The following ASB15 variants were observed in gnomAD, a reference collection of about 807,000 sequenced individuals.
ASB15 encodes the protein ankyrin repeat and SOCS box protein 15.
In ASB15, 54 loss-of-function variants were observed where a neutral mutation model predicts 58.0. The observed-to-expected ratio is 0.93, with a 90% CI of 0.75 to 1.17. The LOEUF is 1.17. Among genes scored for constraint, ASB15 ranks in the 50% most tolerant of loss-of-function variants. The probability of loss-of-function intolerance (pLI) is 0.00; values close to 1 mark genes in which losing one functional copy is unlikely to be tolerated. For synonymous variants in ASB15, 249 were observed against 262.4 expected, an observed-to-expected ratio of 0.95 and a Z score of 0.50; for missense variants, 680 against 707.4, an observed-to-expected ratio of 0.96 and a Z score of 0.44.
chr7:123,632,946 T>C (rs1182490261), intron 11 of ASB15, among the ~76,000 whole-genome samples: 1 of 152,152 alleles, frequency 6.6e-6, no homozygotes, highest in African/African-American at 2.4e-5. Flanking sequence ...CAAAAGACAA[T>C]GGAGTAACAT....
Position 123,629,401 on chromosome 7 carries a change from A to C in ASB15, c.1407A>C (p.Pro469=). The change falls in exon 10 of 12, where the codon CCA becomes CCC. Residue 469 remains proline (P), a synonymous_variant. Transcript: ENST00000451215. ...VWSEIQEEVL[P]GWTSCVIKDN... is the part of the protein sequence containing the mutation. ...CAGAGATACAGGAAGAGGTGCTGCCAGGATGGACATCTTGTGTAATAAAAG... is the reference window on the plus strand; with the variant it reads ...CAGAGATACAGGAAGAGGTGCTGCCCGGATGGACATCTTGTGTAATAAAAG... 1 of 1,612,458 alleles carries C rather than the reference A, an allele frequency of 6.2e-7. No individual in the cohort carries two copies. The highest frequency in any genetic ancestry group is 8.5e-7 in the Non-Finnish European group (1 of 1,179,702).
chr7:123,629,047 G>C lies in ASB15; in HGVS notation c.1053G>C (p.Lys351Asn), dbSNP rs267601262. Residue 351 changes from lysine to asparagine, a missense_variant, in exon 10 of 12, where the codon AAG (lysine) becomes AAC (asparagine). By Grantham distance (94) the Lys-to-Asn change is moderately conservative. Coordinates refer to ENST00000451215, the MANE Select transcript of ASB15 (RefSeq NM_001290258.2). ...CCCAGAGCTATGACGATGAGAGGAA[G>C]ACTGCGCTGTATTTTGGCGTTTCTA... Reference protein sequence around the residue: ...HISQSYDDERKTALYFGVSNN... With the variant: ...HISQSYDDERNTALYFGVSNN... 8 of 1,613,720 alleles carry C rather than the reference G, an allele frequency of 5.0e-6. No homozygotes were observed. In the African/African-American group the frequency reaches 9.3e-5, roughly 19 times the overall value.
upstream of ASB15, among the ~76,000 whole-genome samples, chr7:123,601,102 A>G (rs529889055): frequency 6.6e-6 from 1 of 152,290 alleles, no homozygotes; most frequent in African/African-American, 2.4e-5. Flanking sequence ...GTGAGTGCCG[A>G]TGGTGGCCTG....
intron 1 of ASB15, among the ~76,000 whole-genome samples, chr7:123,595,978 A>G (rs1799680215): frequency 6.6e-6 from 1 of 152,218 alleles, no homozygotes; most frequent in Admixed American, 6.5e-5. Flanking sequence ...GCTTTATTTG[A>G]ATGGTAATTA....
intron 3 of ASB15, chr7:123,614,142 T>C (rs559270362): frequency 7.2e-4 from 163 of 226,190 alleles, no homozygotes; most frequent in Non-Finnish European, 6.3e-4. Context: ...TAATATGTTA[T>C]GTACACACTC....
intron 1 of ASB15, among the ~76,000 whole-genome samples, chr7:123,582,216 C>A (rs1342317629): frequency 1.3e-5 from 2 of 151,910 alleles, no homozygotes; most frequent in East Asian, 3.9e-4. Context: ...CAGGTTCAAC[C>A]CACAGTATGT....
chr7:123,619,020 A>C (rs1369272376), intron 7 of ASB15, among the ~76,000 whole-genome samples: 1 of 151,718 alleles, frequency 6.6e-6, no homozygotes, highest in Admixed American at 6.6e-5. Flanking sequence ...CTAAAAATAC[A>C]AAAACAAAAA....
chr7:123,577,743 A>G (rs1370591420), intron 1 of ASB15, among the ~76,000 whole-genome samples: 1 of 152,118 alleles, frequency 6.6e-6, no homozygotes, highest in Non-Finnish European at 1.5e-5. Context: ...TTTTAAATCC[A>G]CTAACTGTTC....
intron 1 of ASB15, among the ~76,000 whole-genome samples, chr7:123,582,290 T>A (rs747583593): frequency 1.1e-4 from 16 of 151,686 alleles, no homozygotes; most frequent in Non-Finnish European, 2.1e-4. Flanking sequence ...GGGGGTTGCA[T>A]TACAATATCC....
chr7:123,581,420 A>G (rs937704199), intron 1 of ASB15, among the ~76,000 whole-genome samples: 11 of 151,576 alleles, frequency 7.3e-5, no homozygotes, highest in African/African-American at 2.4e-4. Context: ...CACTTAAAAA[A>G]AAAAAAAAAA....
chr7:123,629,214 A>G lies in ASB15; in HGVS notation c.1220A>G (p.Asn407Ser). ...CTTCTCTCCCATGGAGCTAATGTCA[A>G]TTGTTATTTTATGCATGTGAATGAC... is the stretch of plus-strand genomic sequence containing the variant. ...RLLLSHGANV[N>S]CYFMHVNDTR... is the part of the protein sequence containing the mutation. The change falls in exon 10 of 12, where the codon AAT becomes AGT. Residue 407 changes from asparagine (N) to serine (S), a missense_variant. Coordinates refer to ENST00000451215, the MANE Select transcript of ASB15 (RefSeq NM_001290258.2). 2.5e-6 allele frequency: 4 copies of G among 1,613,588 alleles called. No homozygotes were observed. Among genetic ancestry groups the G allele is most frequent in the Non-Finnish European group, 3.4e-6 (4 of 1,179,658 alleles).
At position 123,619,422 on chromosome 7, in the gene ASB15, C is replaced by G. The variant is rs75678921; in HGVS notation, c.451+1685C>G. On this transcript the variant is annotated intron_variant, in intron 7 of 11. Transcript: ENST00000451215. Reference sequence around the variant, plus strand: ...CAAAGAGCCTTGCTCTTGGAGATTGCCTTGAGGGTTGTATAGGGGAACGGC... The same window carrying G: ...CAAAGAGCCTTGCTCTTGGAGATTGGCTTGAGGGTTGTATAGGGGAACGGC... Among the ~76,000 whole-genome samples the G allele has an allele frequency of 9.5e-3, 1,450 of 152,148 alleles. 28 individuals are homozygous for G. The highest frequency in any genetic ancestry group is 0.033 in the African/African-American group (1,388 of 41,508).
chr7:123,576,166 AT>A (rs987518842), intron 1 of ASB15, among the ~76,000 whole-genome samples: 45 of 150,296 alleles, frequency 3.0e-4, no homozygotes, highest in African/African-American at 9.3e-4. Flanking sequence ...CATCTTCTAT[AT>A]TTTTTATGGT....
At chr7:123,573,798 C>T (rs1195573708) in intron 1 of ASB15, among the ~76,000 whole-genome samples, 1 of 152,018 alleles carries the variant, frequency 6.6e-6, no homozygotes, top group East Asian at 1.9e-4. Context: ...AGCTTTGTAG[C>T]TTCAATCATT....
At chr7:123,629,857 A>G in intron 10 of ASB15, 109 bp from the exon 11 acceptor site, 1 of 817,316 alleles carries the variant, frequency 1.2e-6, no homozygotes, top group Non-Finnish European at 1.9e-6. Context: ...ACAAGGAGAG[A>G]TCTTTTATTT....
intron 1 of ASB15, among the ~76,000 whole-genome samples, chr7:123,578,473 G>C (rs1232991320): frequency 6.6e-6 from 1 of 151,804 alleles, no homozygotes; most frequent in Non-Finnish European, 1.5e-5. Context: ...CTGGAACTTT[G>C]TTTCCTCTAT....
Position 123,573,245 on chromosome 7 carries a change from TC to T in ASB15, c.-443+6164del, listed in dbSNP as rs1006010880. Among the ~76,000 whole-genome samples the T allele has an allele frequency of 2.0e-3, 295 of 150,346 alleles. 5 individuals are homozygous for T. The Middle Eastern group carries it at 0.024, about 12-fold the overall frequency. ...AATTCACTTATTTTATCACCAAGCT[TC>T]CCCCCCGCCTCCCCATAACCTCTCC... On this transcript the variant is annotated intron_variant, in intron 1 of 13. Coordinates refer to the ASB15 transcript ENST00000451558.
At chr7:123,618,734 G>A (rs1032543366) in intron 7 of ASB15, among the ~76,000 whole-genome samples, 1 of 151,950 alleles carries the variant, frequency 6.6e-6, no homozygotes, top group Non-Finnish European at 1.5e-5. Context: ...CCTGTTCACA[G>A]AGGAATCACT....
At position 123,636,814 on chromosome 7, in the gene ASB15, C is replaced by T. The variant is rs1376885076; in HGVS notation, c.1600C>T (p.Pro534Ser). Reference sequence around the variant, plus strand: ...ATTTTCCCGATTTCTTTTAGAGAATCCTTGTTCATTGAAGCATTTGTGTCG... The same window carrying T: ...ATTTTCCCGATTTCTTTTAGAGAATTCTTGTTCATTGAAGCATTTGTGTCG... ...WPEIRQILEN[P>S]CSLKHLCRLK... The change falls in exon 12 of 12, where the codon CCT becomes TCT. Residue 534 changes from proline to serine, a missense_variant. Pro to Ser is a moderately conservative substitution (Grantham distance 74). Transcript: ENST00000451215. 6.2e-7 allele frequency: 1 copy of T among 1,602,156 alleles called. No individual in the cohort carries two copies.
Sources: gnomAD v4.1 joint callset for allele counts (sites outside exome capture counted in the v4.1 genomes callset) on GRCh38, gnomAD v4.1.1 for gene constraint, MANE v1.5 for transcripts, NCBI Gene and HGNC (gene_info 2026-07-23, HGNC 2026-07-21) for gene names.